Variants in MMP16 observed in about 807,000 individuals in gnomAD.
MMP16 encodes matrix metallopeptidase 16.
MMP16 carries 12 observed loss-of-function variants against 67.8 expected under a neutral mutation model. The observed-to-expected ratio is 0.18, with a 90% confidence interval of 0.11 to 0.29. The LOEUF is 0.29. Ranked by LOEUF, MMP16 falls within the 10% of genes least tolerant of loss-of-function variation. The pLI is 1.00. For synonymous variants in MMP16, 249 were observed against 255.9 expected (o/e 0.97, Z 0.26); for missense variants, 475 against 765.7 (o/e 0.62, Z 4.48).
chr8:88,173,905 T>G (rs887461922), intron 3 of MMP16, among the ~76,000 whole-genome samples: 1 of 152,192 alleles, frequency 6.6e-6, no homozygotes, highest in Non-Finnish European at 1.5e-5. Flanking sequence ...CATTGGGTGT[T>G]GTTTAAGTGG....
intron 3 of MMP16, among the ~76,000 whole-genome samples, chr8:88,169,469 C>G (rs1002104509): frequency 6.6e-6 from 1 of 152,126 alleles, no homozygotes; most frequent in Non-Finnish European, 1.5e-5. Flanking sequence ...AGAAAAACCT[C>G]TAAGTGGCAG....
At chr8:88,216,815 G>A (rs921469208) in intron 1 of MMP16, among the ~76,000 whole-genome samples, 5 of 152,020 alleles carry the variant, frequency 3.3e-5, no homozygotes, top group Non-Finnish European at 7.4e-5. Flanking sequence ...CTTGCTTAAG[G>A]TGGTATCTGC....
chr8:88,315,332 T>C (rs1433443596), intron 1 of MMP16, among the ~76,000 whole-genome samples: 3 of 152,208 alleles, frequency 2.0e-5, no homozygotes, highest in Non-Finnish European at 4.4e-5. Flanking sequence ...TATGGTGATC[T>C]GTGGTTAGTG....
intron 4 of MMP16, among the ~76,000 whole-genome samples, chr8:88,121,271 A>T (rs1807825057): frequency 6.6e-6 from 1 of 151,964 alleles, no homozygotes; most frequent in African/African-American, 2.4e-5. Flanking sequence ...GTAAGGCTTT[A>T]GAAGAAAATT....
At chr8:88,322,840 G>T (rs1811481589) in intron 1 of MMP16, among the ~76,000 whole-genome samples, 1 of 152,044 alleles carries the variant, frequency 6.6e-6, no homozygotes, top group Non-Finnish European at 1.5e-5. Flanking sequence ...AGACCTGAGT[G>T]ATCCGGCCCA....
chr8:88,220,813 T>C (rs1322048183), intron 1 of MMP16, among the ~76,000 whole-genome samples: 3 of 152,130 alleles, frequency 2.0e-5, no homozygotes, highest in African/African-American at 4.8e-5. Flanking sequence ...ACGATATCAA[T>C]TTTTTATATA....
chr8:88,241,923 T>C (rs528861008), intron 1 of MMP16, among the ~76,000 whole-genome samples: 1 of 152,258 alleles, frequency 6.6e-6, no homozygotes, highest in Admixed American at 6.5e-5. Flanking sequence ...AAGACGGATA[T>C]GAAAAGATAT....
chr8:88,227,934 A>G (rs1206526799), intron 1 of MMP16, among the ~76,000 whole-genome samples: 4 of 152,102 alleles, frequency 2.6e-5, no homozygotes, highest in African/African-American at 9.7e-5. Flanking sequence ...TAATATCATT[A>G]ACAGCAAATG....
intron 1 of MMP16, among the ~76,000 whole-genome samples, chr8:88,298,936 G>T (rs1320555260): frequency 6.6e-6 from 1 of 151,536 alleles, no homozygotes; most frequent in Non-Finnish European, 1.5e-5. Flanking sequence ...AAAAAAGTGG[G>T]TAAAATTGTC....
chr8:88,084,108 G>A (rs926848328), intron 6 of MMP16, among the ~76,000 whole-genome samples: 4 of 151,958 alleles, frequency 2.6e-5, no homozygotes, highest in African/African-American at 9.7e-5. Flanking sequence ...GCACTTGTGT[G>A]TATATATGCT....
At chr8:88,172,696 T>C (rs1003589820) in intron 3 of MMP16, among the ~76,000 whole-genome samples, 1 of 152,184 alleles carries the variant, frequency 6.6e-6, no homozygotes, top group Non-Finnish European at 1.5e-5. Context: ...GTAAAGTGAG[T>C]ATACTTCTTA....
chr8:88,319,430 C>A (rs571043819), intron 1 of MMP16, among the ~76,000 whole-genome samples: 1 of 151,750 alleles, frequency 6.6e-6, no homozygotes, highest in East Asian at 1.9e-4. Flanking sequence ...ATATGAAGTC[C>A]CTAAGATGCC....
intron 4 of MMP16, among the ~76,000 whole-genome samples, chr8:88,136,769 T>C (rs1351234754): frequency 1.3e-5 from 2 of 151,780 alleles, no homozygotes; most frequent in Admixed American, 1.3e-4. Context: ...TTGGTGTTGA[T>C]AAATATTGGA....
chr8:88,075,537 A>C (rs556616092), intron 6 of MMP16, among the ~76,000 whole-genome samples: 64 of 152,274 alleles, frequency 4.2e-4, no homozygotes, highest in African/African-American at 1.3e-3. Context: ...AAAAAAACCC[A>C]AAAACAAAAA....
chr8:88,084,606 A>G (rs555679724), intron 6 of MMP16, among the ~76,000 whole-genome samples: 8 of 152,148 alleles, frequency 5.3e-5, no homozygotes, highest in South Asian at 2.1e-4. Context: ...TTGTTTCGCC[A>G]AACACTTGCA....
At chr8:88,121,682 A>G (rs1484506595) in intron 4 of MMP16, among the ~76,000 whole-genome samples, 2 of 152,048 alleles carry the variant, frequency 1.3e-5, no homozygotes, top group African/African-American at 4.8e-5. Context: ...ATACAGAAAT[A>G]GTACTTGCTT....
At chr8:88,230,040 A>C (rs1178196570) in intron 1 of MMP16, among the ~76,000 whole-genome samples, 1 of 152,166 alleles carries the variant, frequency 6.6e-6, no homozygotes, top group Non-Finnish European at 1.5e-5. Context: ...TGTATCAACA[A>C]GCCAATATTA....
chr8:88,167,823 G>A lies in MMP16; in HGVS notation c.555C>T (p.Thr185=), dbSNP rs1344300220. 3 of 1,613,924 alleles carry A rather than the reference G, an allele frequency of 1.9e-6. No homozygotes were observed. The highest frequency in any genetic ancestry group is 2.5e-6 in the Non-Finnish European group (3 of 1,179,960). The part of the protein sequence containing the change: ...LENGKRDVDI[T]IIFASGFHGD... ...CATGGAAACCAGATGCAAAAATAAT[G>A]GTTATATCCACATCACGTTTGCCAT... Residue 185 remains threonine (T), a synonymous_variant, in exon 4 of 10, where the codon ACC becomes ACT. Transcript: ENST00000286614.
chr8:88,136,134 T>G (rs6982914), intron 4 of MMP16, among the ~76,000 whole-genome samples: 94,975 of 151,590 alleles, frequency 0.63, 30,672 homozygotes, highest in African/African-American at 0.78. Flanking sequence ...AGAGCTAAAC[T>G]TTTTAATAAA....
Sources: gnomAD v4.1 joint callset for allele counts (sites outside exome capture counted in the v4.1 genomes callset) on GRCh38, gnomAD v4.1.1 for gene constraint, MANE v1.5 for transcripts, NCBI Gene and HGNC (gene_info 2026-07-23, HGNC 2026-07-21) for gene names.